SIAH2: variants seen among roughly 807,000 people sequenced by gnomAD.
SIAH2 encodes E3 ubiquitin-protein ligase SIAH2.
Under a neutral mutation model 20.4 loss-of-function variants are expected in SIAH2, and 4 were observed. The observed-to-expected ratio is 0.20, with a 90% confidence interval of 0.10 to 0.45. SIAH2 has a LOEUF of 0.45. Among genes scored for constraint, SIAH2 ranks in the 20% least tolerant of loss-of-function variants. The probability of loss-of-function intolerance (pLI) is 0.99; values close to 1 mark genes in which losing one functional copy is unlikely to be tolerated. For synonymous variants in SIAH2, 171 were observed against 192.5 expected (o/e 0.89, Z 0.93); for missense variants, 259 against 440.3 (o/e 0.59, Z 3.69).
chr3:150,756,752 AC>A (rs1714493469), intron 1 of SIAH2, among the ~76,000 whole-genome samples: 1 of 152,184 alleles, frequency 6.6e-6, no homozygotes, highest in African/African-American at 2.4e-5. Flanking sequence ...CAAAAAGTAA[AC>A]TACAACGAAA....
rs187002152 is a variant in SIAH2 at position 150,761,353 on chromosome 3, G to A, written c.417+1080C>T. Among the ~76,000 whole-genome samples the A allele has an allele frequency of 3.3e-5, 5 of 152,320 alleles. No individual in the cohort carries two copies. The East Asian group carries it at 9.6e-4, about 29-fold the overall frequency. Reference sequence around the variant, plus strand: ...GAAGGTTTCCACGTAATAGCTGCAGGTAAACAAATGTTATAATATGACCAC... The same window carrying A: ...GAAGGTTTCCACGTAATAGCTGCAGATAAACAAATGTTATAATATGACCAC... On this transcript the variant is annotated intron_variant, in intron 1 of 1. Transcript: ENST00000312960.
intron 1 of SIAH2, among the ~76,000 whole-genome samples, chr3:150,755,239 A>G (rs1714458728): frequency 6.6e-6 from 1 of 151,482 alleles, no homozygotes; most frequent in Non-Finnish European, 1.5e-5. Flanking sequence ...ACCCAAAGAT[A>G]CTATCTTTGC....
intron 1 of SIAH2, among the ~76,000 whole-genome samples, chr3:150,743,345 G>A (rs577517863): frequency 1.3e-5 from 2 of 152,314 alleles, no homozygotes; most frequent in East Asian, 1.9e-4. Context: ...CCTCTGGGGG[G>A]CTTTGCCCAT....
intron 1 of SIAH2, among the ~76,000 whole-genome samples, chr3:150,754,727 TA>T (rs1432415905): frequency 6.6e-6 from 1 of 152,160 alleles, no homozygotes; most frequent in African/African-American, 2.4e-5. Context: ...AAAATAATCA[TA>T]ACTTTAGAAA....
intron 1 of SIAH2, among the ~76,000 whole-genome samples, chr3:150,755,764 G>A (rs749375464): frequency 4.0e-5 from 6 of 151,826 alleles, no homozygotes; most frequent in Non-Finnish European, 7.4e-5. Context: ...TGATCTGCCC[G>A]CCTCGGCCTC....
intron 1 of SIAH2, among the ~76,000 whole-genome samples, chr3:150,745,279 C>A (rs1346885861): frequency 2.2e-5 from 3 of 136,412 alleles, no homozygotes; most frequent in African/African-American, 9.1e-5. Context: ...ACACACACAC[C>A]CCACATTTCA....
At chr3:150,760,781 C>T (rs1450476512) in intron 1 of SIAH2, among the ~76,000 whole-genome samples, 1 of 152,190 alleles carries the variant, frequency 6.6e-6, no homozygotes, top group Non-Finnish European at 1.5e-5. Context: ...CCCACCCCTG[C>T]AATATATCTC....
intron 1 of SIAH2, among the ~76,000 whole-genome samples, chr3:150,760,374 C>T (rs1714578864): frequency 6.6e-6 from 1 of 152,126 alleles, no homozygotes; most frequent in Non-Finnish European, 1.5e-5. Context: ...ATAGCTTTAC[C>T]CCACTGCATT....
chr3:150,755,470 A>G (rs995054007), intron 1 of SIAH2, among the ~76,000 whole-genome samples: 1 of 150,994 alleles, frequency 6.6e-6, no homozygotes, highest in East Asian at 1.9e-4. Context: ...AGCTGGGAGT[A>G]TAGACACGAG....
intron 1 of SIAH2, among the ~76,000 whole-genome samples, chr3:150,758,569 A>T (rs1020208415): frequency 5.4e-5 from 7 of 129,756 alleles, no homozygotes; most frequent in Non-Finnish European, 9.9e-5. Flanking sequence ...TAGACATTCC[A>T]TTTTTTTTTT....
intron 1 of SIAH2, among the ~76,000 whole-genome samples, chr3:150,751,241 G>A (rs566281740): frequency 1.3e-5 from 2 of 152,182 alleles, no homozygotes; most frequent in African/African-American, 4.8e-5. Context: ...AGACCAGCCT[G>A]GGCAACATGG....
At chr3:150,760,335 G>C (rs896354583) in intron 1 of SIAH2, among the ~76,000 whole-genome samples, 1 of 152,084 alleles carries the variant, frequency 6.6e-6, no homozygotes, top group African/African-American at 2.4e-5. Context: ...GGGAATAATT[G>C]GCCCTTTTAA....
At chr3:150,760,679 A>C (rs1000507537) in intron 1 of SIAH2, among the ~76,000 whole-genome samples, 1 of 152,244 alleles carries the variant, frequency 6.6e-6, no homozygotes, top group African/African-American at 2.4e-5. Flanking sequence ...ACTAAAACTC[A>C]CCTAAAAGCC....
intron 1 of SIAH2, among the ~76,000 whole-genome samples, chr3:150,747,563 C>T (rs575068984): frequency 6.6e-6 from 1 of 152,288 alleles, no homozygotes; most frequent in Admixed American, 6.5e-5. Flanking sequence ...GAAATATCTG[C>T]TCATTTCCCC....
chr3:150,742,190 T>C lies in SIAH2; in HGVS notation c.926A>G (p.Asp309Gly). ...FDTAIAHLFA[D>G]NGNLGINVTI... is the part of the protein sequence containing the mutation. The stretch of plus-strand genomic sequence containing the variant: ...AACATTGATTCCAAGGTTCCCATTA[T>C]CTGCAAAAAGATGTGCTATGGCTGT... Residue 309 changes from aspartate (D) to glycine (G), a missense_variant, in exon 2 of 2, where the codon GAT becomes GGT. By Grantham distance (94) the Asp-to-Gly change is moderately conservative (BLOSUM62 -1). This residue lies in a region of SIAH2 where 160 missense variants were observed against 327.6 expected (regional missense o/e 0.49). Transcript: ENST00000312960. The surrounding 1 kb of genome is among the most constrained non-coding windows in gnomAD (Gnocchi z 4.8). 6.2e-7 allele frequency: 1 copy of C among 1,614,044 alleles called. No individual in the cohort carries two copies. Among genetic ancestry groups the C allele is most frequent in the South Asian group, 1.1e-5 (1 of 91,066 alleles).
intron 1 of SIAH2, among the ~76,000 whole-genome samples, chr3:150,756,604 A>G (rs1714489387): frequency 6.6e-6 from 1 of 152,336 alleles, no homozygotes; most frequent in South Asian, 2.1e-4. Flanking sequence ...TGGTTATACT[A>G]AGGCTCAACT....
At chr3:150,752,088 G>A (rs1421411474) in intron 1 of SIAH2, among the ~76,000 whole-genome samples, 1 of 152,210 alleles carries the variant, frequency 6.6e-6, no homozygotes, top group Non-Finnish European at 1.5e-5. Flanking sequence ...CAAAGTGCAT[G>A]TTCAAGCAAA....
intron 1 of SIAH2, among the ~76,000 whole-genome samples, chr3:150,749,687 G>A (rs1576581519): frequency 6.6e-6 from 1 of 152,316 alleles, no homozygotes; most frequent in East Asian, 1.9e-4. Flanking sequence ...TGCAACTGAA[G>A]TTGGTAGTTT....
At chr3:150,747,885 A>G (rs1015085622) in intron 1 of SIAH2, among the ~76,000 whole-genome samples, 1 of 149,284 alleles carries the variant, frequency 6.7e-6, no homozygotes. Context: ...AATCACTTGA[A>G]CCTGGGAGGC....
Sources: gnomAD v4.1 joint callset for allele counts (sites outside exome capture counted in the v4.1 genomes callset) on GRCh38, gnomAD v4.1.1 for gene constraint, gnomAD v4.1.1 regional missense constraint, Gnocchi (gnomAD v3.1) non-coding constraint, MANE v1.5 for transcripts, NCBI Gene and HGNC (gene_info 2026-07-23, HGNC 2026-07-21) for gene names.